Variants in RANBP2 observed in about 807,000 individuals in gnomAD.
RANBP2 encodes RAN binding protein 2.
A neutral mutation model predicts 303.6 loss-of-function variants in RANBP2; 57 were observed. That is an observed-to-expected ratio of 0.19 (90% CI 0.15 to 0.23). The LOEUF (loss-of-function observed/expected upper bound fraction) is 0.23. Ranked by LOEUF, RANBP2 falls within the 10% of genes least tolerant of loss-of-function variation. The pLI, the probability that RANBP2 is intolerant of heterozygous loss-of-function variation, is 1.00. For missense variants in RANBP2, 3,138 were observed against 3,780.8 expected (o/e 0.83, Z 4.46); for synonymous variants, 1,167 against 1,301.5 (o/e 0.90, Z 2.23).
At chr2:109,239,019 T>C in the RANBP2 span, among the ~76,000 whole-genome samples, 1 of 152,164 alleles carries the variant, frequency 6.6e-6, no homozygotes, top group East Asian at 1.9e-4. Context: ...GACAGAACAA[T>C]GTTAAATGTA....
the RANBP2 span, among the ~76,000 whole-genome samples, chr2:109,083,809 A>C: frequency 6.7e-6 from 1 of 148,962 alleles, no homozygotes; most frequent in African/African-American, 2.5e-5. Context: ...CAGTGTCATC[A>C]CCTCCCTTTC....
At chr2:108,795,048 T>A in the RANBP2 span, among the ~76,000 whole-genome samples, 1 of 81,900 alleles carries the variant, frequency 1.2e-5, no homozygotes. Flanking sequence ...TTTATTGTTT[T>A]AAGTACTTAT....
At chr2:109,207,154 A>G in the RANBP2 span, among the ~76,000 whole-genome samples, 1 of 152,166 alleles carries the variant, frequency 6.6e-6, no homozygotes, top group Non-Finnish European at 1.5e-5. Flanking sequence ...TGAGGGTGCA[A>G]TGACGACACA....
At chr2:109,633,409 CAAAACAA>C in the RANBP2 span, among the ~76,000 whole-genome samples, 14 of 151,346 alleles carry the variant, frequency 9.3e-5, no homozygotes, top group East Asian at 2.7e-3. Context: ...CAAAACAAAA[CAAAACAA>C]AACAAAACAA....
the RANBP2 span, among the ~76,000 whole-genome samples, chr2:108,981,295 G>A: frequency 1.3e-4 from 20 of 152,240 alleles, no homozygotes; most frequent in South Asian, 3.7e-3. Flanking sequence ...TTCCAGAGCC[G>A]CACCCGCCCC....
At chr2:109,324,320 G>A in the RANBP2 span, among the ~76,000 whole-genome samples, 7 of 152,152 alleles carry the variant, frequency 4.6e-5, no homozygotes, top group East Asian at 1.3e-3. Context: ...AGGAGTAGGG[G>A]TACTGGGTCG....
intron 2 of RANBP2, among the ~76,000 whole-genome samples, chr2:108,729,970 C>T (rs1405067149): frequency 5.3e-5 from 8 of 152,102 alleles, no homozygotes; most frequent in East Asian, 3.9e-4. Context: ...CTGCCTGCCT[C>T]GGCCTCCCGT....
At chr2:109,490,118 C>T in the RANBP2 span, among the ~76,000 whole-genome samples, 4 of 152,230 alleles carry the variant, frequency 2.6e-5, no homozygotes, top group Non-Finnish European at 4.4e-5. Context: ...CTGATGGAAC[C>T]ATTCTCCATG....
chr2:109,169,220 A>C, the RANBP2 span, among the ~76,000 whole-genome samples: 1 of 152,210 alleles, frequency 6.6e-6, no homozygotes, highest in African/African-American at 2.4e-5. Context: ...TGGGACAAAC[A>C]GTGCTGGTTT....
the RANBP2 span, among the ~76,000 whole-genome samples, chr2:109,505,052 G>A: frequency 9.9e-5 from 15 of 152,244 alleles, no homozygotes; most frequent in African/African-American, 3.6e-4. Context: ...TATTAACCTC[G>A]GAGACCAGCA....
the RANBP2 span, chr2:109,615,430 G>C: frequency 9.9e-6 from 16 of 1,613,100 alleles, no homozygotes; most frequent in East Asian, 2.9e-4. Flanking sequence ...AAGCACGGCA[G>C]GCAGGAGCTT....
chr2:109,436,757 T>G, the RANBP2 span: 1 of 1,370,850 alleles, frequency 7.3e-7, no homozygotes, highest in Non-Finnish European at 9.8e-7. Flanking sequence ...CGGGCATTGT[T>G]TTAGGACCTC....
chr2:109,410,681 T>G, the RANBP2 span, among the ~76,000 whole-genome samples: 3 of 152,236 alleles, frequency 2.0e-5, no homozygotes. Flanking sequence ...TCGGAACATG[T>G]GTGTCCACTT....
the RANBP2 span, among the ~76,000 whole-genome samples, chr2:109,018,464 C>A: frequency 6.6e-6 from 1 of 152,188 alleles, no homozygotes; most frequent in African/African-American, 2.4e-5. Flanking sequence ...ATCCTGTTAT[C>A]CTTCTGTCCC....
the RANBP2 span, among the ~76,000 whole-genome samples, chr2:108,880,108 A>T: frequency 6.6e-6 from 1 of 152,106 alleles, no homozygotes; most frequent in African/African-American, 2.4e-5. Context: ...AAATCAATGA[A>T]ATTGAAAACA....
chr2:108,954,787 T>C, the RANBP2 span, among the ~76,000 whole-genome samples: 2 of 152,108 alleles, frequency 1.3e-5, no homozygotes, highest in Non-Finnish European at 2.9e-5. Flanking sequence ...GCGATTCTCC[T>C]GTCTCAGCCT....
rs753447212 is a variant in RANBP2 at position 108,735,709 on chromosome 2, A to G, written c.583A>G (p.Ile195Val). The G allele has an allele frequency of 8.1e-6, 13 of 1,597,614 alleles. No individual in the cohort carries two copies. Among genetic ancestry groups the G allele is most frequent in the East Asian group, 2.2e-5 (1 of 44,882 alleles). Residue 195 changes from isoleucine to valine, a missense_variant, in exon 5 of 29, where the codon ATA becomes GTA. Ile to Val is a conservative substitution (Grantham distance 29). Coordinates refer to ENST00000283195, the MANE Select transcript of RANBP2 (RefSeq NM_006267.5). Reference protein sequence around the residue: ...VAHCHEAERNIALRSSLEWNS... With the variant: ...VAHCHEAERNVALRSSLEWNS... The stretch of plus-strand genomic sequence containing the variant: ...CCACTGCCATGAGGCAGAGAGGAAC[A>G]TAGCTTTGCGTTCAAGTTTAGAATG...
At chr2:109,093,830 A>G in the RANBP2 span, among the ~76,000 whole-genome samples, 2 of 152,190 alleles carry the variant, frequency 1.3e-5, no homozygotes, top group Non-Finnish European at 2.9e-5. Flanking sequence ...AAAACCTAAG[A>G]TAATTACTAA....
the RANBP2 span, among the ~76,000 whole-genome samples, chr2:108,791,183 A>G: frequency 2.0e-5 from 3 of 152,178 alleles, no homozygotes; most frequent in East Asian, 1.9e-4. Context: ...TAAATTACCT[A>G]TATGACTTGT....
Sources: allele counts gnomAD v4.1 joint callset (sites outside exome capture counted in the v4.1 genomes callset), GRCh38; gene constraint gnomAD v4.1.1; transcripts MANE v1.5; gene names NCBI Gene and HGNC (gene_info 2026-07-23, HGNC 2026-07-21).